Variants in TMEM178B observed in about 807,000 individuals in gnomAD.
TMEM178B encodes transmembrane protein 178B.
In TMEM178B, 5 loss-of-function variants were observed where a neutral mutation model predicts 31.0. The ratio of observed to expected loss-of-function variants is 0.16; its 90% confidence interval spans 0.08 to 0.34. The LOEUF (loss-of-function observed/expected upper bound fraction) is 0.34, where lower values mean the gene tolerates loss of function less well. Ranked by LOEUF, TMEM178B falls within the 10% of genes least tolerant of loss-of-function variation. The probability of loss-of-function intolerance (pLI) is 1.00; values close to 1 mark genes in which losing one functional copy is unlikely to be tolerated. For synonymous variants in TMEM178B, 164 were observed against 164.0 expected (o/e 1.00, Z 0.00); for missense variants, 275 against 400.3 (o/e 0.69, Z 2.67).
At chr7:141,212,212 A>T (rs1253180724) in intron 1 of TMEM178B, among the ~76,000 whole-genome samples, 1 of 152,130 alleles carries the variant, frequency 6.6e-6, no homozygotes, top group Non-Finnish European at 1.5e-5. Context: ...AGCACAAATG[A>T]TATCATTAAG....
chr7:141,374,116 C>T (rs1205844495), intron 2 of TMEM178B, among the ~76,000 whole-genome samples: 2 of 152,122 alleles, frequency 1.3e-5, no homozygotes, highest in African/African-American at 4.8e-5. Flanking sequence ...CCAAGGTAAG[C>T]GTGTTTCTGA....
chr7:141,324,923 G>A (rs1180159165), intron 2 of TMEM178B, among the ~76,000 whole-genome samples: 1 of 152,054 alleles, frequency 6.6e-6, no homozygotes, highest in Admixed American at 6.6e-5. Context: ...ATCATAATCT[G>A]CTCTTTGTGA....
intron 2 of TMEM178B, among the ~76,000 whole-genome samples, chr7:141,376,488 A>G (rs1172295334): frequency 6.6e-6 from 1 of 152,230 alleles, no homozygotes; most frequent in Non-Finnish European, 1.5e-5. Flanking sequence ...GCCTGATGTT[A>G]TATGTCTTTG....
chr7:141,350,153 C>A (rs1191543604), intron 2 of TMEM178B, among the ~76,000 whole-genome samples: 1 of 151,974 alleles, frequency 6.6e-6, no homozygotes, highest in Non-Finnish European at 1.5e-5. Context: ...CACAATGAAC[C>A]GAAAAAACAC....
intron 2 of TMEM178B, among the ~76,000 whole-genome samples, chr7:141,406,393 TCC>T (rs1265844051): frequency 6.6e-6 from 1 of 152,116 alleles, no homozygotes; most frequent in African/African-American, 2.4e-5. Flanking sequence ...TAATCCTCTC[TCC>T]CAGATTATGA....
intron 2 of TMEM178B, among the ~76,000 whole-genome samples, chr7:141,321,867 A>C (rs972959544): frequency 2.0e-5 from 3 of 151,286 alleles, no homozygotes; most frequent in African/African-American, 7.3e-5. Context: ...ACGTGCAACC[A>C]TGAAGGAAGA....
intron 1 of TMEM178B, among the ~76,000 whole-genome samples, chr7:141,132,098 G>A (rs1276289886): frequency 2.0e-5 from 3 of 152,006 alleles, no homozygotes; most frequent in South Asian, 2.1e-4. Flanking sequence ...CTAGGCCTTC[G>A]TTTTGAGTGC....
At chr7:141,462,101 A>C (rs2116719321) in intron 3 of TMEM178B, among the ~76,000 whole-genome samples, 1 of 152,288 alleles carries the variant, frequency 6.6e-6, no homozygotes, top group African/African-American at 2.4e-5. Context: ...TATTGGCCCC[A>C]GAGTAGAAAG....
intron 2 of TMEM178B, among the ~76,000 whole-genome samples, chr7:141,245,336 C>CCAGAAG (rs1347185866): frequency 1.3e-5 from 2 of 151,734 alleles, no homozygotes; most frequent in East Asian, 3.9e-4. Context: ...TGTGGAAAGG[C>CCAGAAG]CAGAAGCAGA....
rs1802302374 is a variant in TMEM178B at position 141,473,818 on chromosome 7, A to G, written c.*3032A>G. ...CCCTTTCAGACGGCAAGTCCTGGCC[A>G]ATGGGAGGACTTCTCAGGTGACCTT... On this transcript the variant is annotated 3_prime_UTR_variant, in exon 4 of 4. Coordinates refer to ENST00000565468, the MANE Select transcript of TMEM178B (RefSeq NM_001195278.2). 1 of 152,240 alleles carries G rather than the reference A, an allele frequency of 6.6e-6. No homozygotes were observed. Among genetic ancestry groups the G allele is most frequent in the Non-Finnish European group, 1.5e-5 (1 of 68,060 alleles). The allele number at this position is 152,240 out of a possible 1,614,324, so 9.4% of individuals were successfully genotyped here.
chr7:141,075,532 G>T (rs1278387880), intron 1 of TMEM178B, among the ~76,000 whole-genome samples: 2 of 152,154 alleles, frequency 1.3e-5, no homozygotes, highest in East Asian at 3.9e-4. Context: ...CTGCTTATCG[G>T]ATGGAATTTG....
intron 1 of TMEM178B, among the ~76,000 whole-genome samples, chr7:141,141,851 A>G (rs1795774312): frequency 6.6e-6 from 1 of 152,218 alleles, no homozygotes; most frequent in African/African-American, 2.4e-5. Context: ...TGAGGATTCC[A>G]TTTATGTATA....
chr7:141,375,051 T>G, intron 2 of TMEM178B, among the ~76,000 whole-genome samples: 1 of 152,252 alleles, frequency 6.6e-6, no homozygotes, highest in East Asian at 1.9e-4. Context: ...AATGTATCCT[T>G]GGATACTGAC....
chr7:141,459,441 G>A lies in TMEM178B; in HGVS notation c.635-11095G>A, dbSNP rs558202765. On this transcript the variant is annotated intron_variant, in intron 3 of 3. Transcript: ENST00000565468. ...TACCAAAGGAGACACCACCACGCCA[G>A]TTCTTGAGAAATTCACAGGCTGGCT... Among the ~76,000 whole-genome samples, 4 of 152,346 alleles carry A rather than the reference G, an allele frequency of 2.6e-5. No homozygotes were observed. In the East Asian group the frequency reaches 5.8e-4, roughly 22 times the overall value.
rs905478436 is a variant in TMEM178B at position 141,479,521 on chromosome 7, G to C, written c.*8735G>C. On this transcript the variant is annotated 3_prime_UTR_variant, in exon 4 of 4. Coordinates refer to ENST00000565468, the MANE Select transcript of TMEM178B (RefSeq NM_001195278.2). The stretch of plus-strand genomic sequence containing the variant: ...CCTCTTTTGTTTGTGAAAAAGATAG[G>C]TATCGAGATCTTAATGGAGAGAACA... The C allele has an allele frequency of 6.6e-6, 1 of 152,144 alleles. No homozygotes were observed. The highest frequency in any genetic ancestry group is 1.5e-5 in the Non-Finnish European group (1 of 68,030). The allele number at this position is 152,144 out of a possible 1,614,324, so 9.4% of individuals were successfully genotyped here. A position where few individuals can be genotyped will look rare whatever the true frequency, so the allele number is the denominator to read the frequency against.
chr7:141,441,384 A>G, intron 3 of TMEM178B, among the ~76,000 whole-genome samples: 1 of 152,206 alleles, frequency 6.6e-6, no homozygotes, highest in Admixed American at 6.5e-5. Flanking sequence ...CAGCCATCTC[A>G]TAGATAGAGC....
Position 141,432,146 on chromosome 7 carries a change from C to CTTTTTTTTTTT in TMEM178B, c.497-5444_497-5434dup, listed in dbSNP as rs71170797. 7.2e-3 allele frequency among the ~76,000 whole-genome samples: 568 copies of CTTTTTTTTTTT among 79,064 alleles called. 48 individuals carry two copies. The highest frequency in any genetic ancestry group is 9.2e-3 in the Non-Finnish European group (408 of 44,402). The allele number at this position is 79,064 out of a possible 152,430, so 51.9% of individuals were successfully genotyped here. On this transcript the variant is annotated intron_variant, in intron 2 of 3. Transcript: ENST00000565468. ...TTTCTTTTTCTCTCCTTCACTGCAT[C>CTTTTTTTTTTT]TTTTTTTTTTTTTTTTTTTTTTTTT...
intron 2 of TMEM178B, among the ~76,000 whole-genome samples, chr7:141,243,058 A>G (rs1376583075): frequency 6.6e-6 from 1 of 152,164 alleles, no homozygotes; most frequent in Non-Finnish European, 1.5e-5. Flanking sequence ...TTAAATCCCC[A>G]GGAATAAAAT....
intron 2 of TMEM178B, among the ~76,000 whole-genome samples, chr7:141,281,696 G>T (rs1424616881): frequency 6.6e-6 from 1 of 152,194 alleles, no homozygotes; most frequent in Non-Finnish European, 1.5e-5. Flanking sequence ...AGTCACCCTG[G>T]AGCCAAGTCT....
Sources: allele counts gnomAD v4.1 joint callset (sites outside exome capture counted in the v4.1 genomes callset), GRCh38; gene constraint gnomAD v4.1.1; transcripts MANE v1.5; gene names NCBI Gene and HGNC (gene_info 2026-07-23, HGNC 2026-07-21).